Variants in CBFA2T3 observed in about 807,000 individuals in gnomAD.
CBFA2T3 encodes the protein transcriptional corepressor CBFA2T3.
A neutral mutation model predicts 58.6 loss-of-function variants in CBFA2T3; 31 were observed. That is an observed-to-expected ratio of 0.53 (90% confidence interval 0.40 to 0.71). The LOEUF is 0.71. Among genes scored for constraint, CBFA2T3 ranks in the 30% least tolerant of loss-of-function variants. CBFA2T3 has a pLI of 0.00. For synonymous variants in CBFA2T3, 531 were observed against 421.9 expected (o/e 1.26, Z -3.17); for missense variants, 1,076 against 963.1 (o/e 1.12, Z -1.55).
In CBFA2T3 at chr16:88,881,360, T is replaced by G; in HGVS notation, c.1333A>C (p.Lys445Gln). 5 of 1,586,172 alleles carry G rather than the reference T, an allele frequency of 3.2e-6. No individual in the cohort carries two copies. In the Middle Eastern group the frequency reaches 5.0e-4, roughly 158 times the overall value. Residue 445 changes from lysine (K) to glutamine (Q), a missense_variant, in exon 9 of 12, where the codon AAG becomes CAG. Coordinates refer to ENST00000268679, the MANE Select transcript of CBFA2T3 (RefSeq NM_005187.6). ...GCCGCGGCGGGAGCGGGGCCCTTCT[T>G]TGTGTCCTCGGCGTCGCTGTAGCGC... ...ARRYSDAEDT[K>Q]KGPAPAAARP...
chr16:88,888,606 A>AGGGGGG (rs1969495390), intron 5 of CBFA2T3, among the ~76,000 whole-genome samples: 1 of 3,678 alleles, frequency 2.7e-4, no homozygotes, highest in African/African-American at 1.5e-3. Flanking sequence ...GGTGGGTGGG[A>AGGGGGG]GGGGTGGGGT....
chr16:88,879,604 G>A (rs999937882), intron 10 of CBFA2T3, 144 bp from the exon 11 acceptor site: 10 of 700,448 alleles, frequency 1.4e-5, no homozygotes, highest in Middle Eastern at 2.5e-4. Flanking sequence ...GGCACATGTT[G>A]ATGGGGCTGT....
intron 4 of CBFA2T3, 92 bp downstream of exon 4, chr16:88,892,152 G>A (rs764998412): frequency 6.1e-6 from 9 of 1,486,882 alleles, no homozygotes; most frequent in Non-Finnish European, 5.5e-6. Flanking sequence ...TTGTCAGCGT[G>A]GAGCCCATGT....
At chr16:88,969,969 A>G (rs929923845) in intron 1 of CBFA2T3, among the ~76,000 whole-genome samples, 1 of 152,112 alleles carries the variant, frequency 6.6e-6, no homozygotes, top group Admixed American at 6.5e-5. Context: ...TCAGGAGGGC[A>G]TGCCTTCTGG....
rs1363093067 is a variant in CBFA2T3, at chr16:88,957,805, A to T, written c.151+18852T>A. On this transcript the variant is annotated intron_variant, in intron 1 of 11. Transcript: ENST00000268679. ...ACACAACACCGGAAAAGACAAATCC[A>T]CAGAGGCAGGAAGCAGATCAGTGGT... is the stretch of plus-strand genomic sequence containing the variant. The T allele has an allele frequency of 2.0e-5, 3 of 152,328 alleles. No individual in the cohort carries two copies. The East Asian group carries it at 5.8e-4, about 29-fold the overall frequency. The allele number at this position is 152,328 out of a possible 1,614,324, so 9.4% of individuals were successfully genotyped here. A position where few individuals can be genotyped will look rare whatever the true frequency, so the allele number is the denominator to read the frequency against.
At chr16:88,921,199 C>T (rs760577968) in intron 1 of CBFA2T3, among the ~76,000 whole-genome samples, 43 of 152,268 alleles carry the variant, frequency 2.8e-4, no homozygotes, top group Non-Finnish European at 4.3e-4. Flanking sequence ...TACAAGCCTG[C>T]CTCTGCCATT....
At chr16:88,891,825 G>T in intron 5 of CBFA2T3, 57 bp downstream of exon 5, 1 of 1,224,908 alleles carries the variant, frequency 8.2e-7, no homozygotes, top group Non-Finnish European at 1.2e-6. Flanking sequence ...GCAAGGAGTG[G>T]GATTAAGGGG....
chr16:88,942,006 C>G (rs958067065), intron 1 of CBFA2T3, among the ~76,000 whole-genome samples: 15 of 151,932 alleles, frequency 9.9e-5, no homozygotes, highest in African/African-American at 2.4e-4. Context: ...CGCGCTCCCC[C>G]CGCTCAGCCT....
chr16:88,922,303 G>A (rs1597730454), intron 1 of CBFA2T3, among the ~76,000 whole-genome samples: 2 of 152,236 alleles, frequency 1.3e-5, no homozygotes, highest in African/African-American at 2.4e-5. Flanking sequence ...TCTCAGAGCC[G>A]GTCTAGCCAG....
chr16:88,964,899 T>C (rs1972456731), intron 1 of CBFA2T3, among the ~76,000 whole-genome samples: 1 of 143,496 alleles, frequency 7.0e-6, no homozygotes, highest in Non-Finnish European at 1.5e-5. Flanking sequence ...CCATCCACCA[T>C]CTATCCACTT....
chr16:88,905,406 G>A (rs1287332059), intron 1 of CBFA2T3, among the ~76,000 whole-genome samples: 4 of 151,934 alleles, frequency 2.6e-5, no homozygotes, highest in Non-Finnish European at 5.9e-5. Context: ...CCCCGCCCCC[G>A]TGAAGCTCTT....
At chr16:88,878,137 T>C (rs1968913259) in intron 11 of CBFA2T3, among the ~76,000 whole-genome samples, 1 of 152,250 alleles carries the variant, frequency 6.6e-6, no homozygotes. Context: ...CCTCCCGGCA[T>C]CTGCTCAGGT....
At chr16:88,915,397 G>GGGGAGTGTGGAGA in intron 1 of CBFA2T3, among the ~76,000 whole-genome samples, 1 of 88,238 alleles carries the variant, frequency 1.1e-5, no homozygotes, top group Non-Finnish European at 2.3e-5. Context: ...AGCATGGAGG[G>GGGGAGTGTGGAGA]GGGAGCGTGG....
chr16:88,929,629 ACG>A (rs1971210232), intron 1 of CBFA2T3, among the ~76,000 whole-genome samples: 3 of 120,518 alleles, frequency 2.5e-5, no homozygotes, highest in Admixed American at 2.5e-4. Context: ...TGCATCATCC[ACG>A]CAAAAACTAC....
intron 1 of CBFA2T3, among the ~76,000 whole-genome samples, 165 bp downstream of exon 1, chr16:88,976,492 C>T (rs1323215410): frequency 2.0e-5 from 3 of 152,194 alleles, no homozygotes; most frequent in Non-Finnish European, 4.4e-5. Flanking sequence ...GCAGGACCTG[C>T]CTGTGGGGTG....
chr16:88,892,516 A>G, intron 3 of CBFA2T3, 31 bp from the exon 4 acceptor site: 1 of 1,608,332 alleles, frequency 6.2e-7, no homozygotes, highest in Non-Finnish European at 8.5e-7. Flanking sequence ...TGAGGACACA[A>G]AGGTGATGGT....
rs767011727 is a variant in CBFA2T3, at chr16:88,892,290, G to GA, written c.574dup (p.Ser192PhefsTer75). 1 of 1,612,616 alleles carries GA rather than the reference G, an allele frequency of 6.2e-7. No homozygotes were observed. The highest frequency in any genetic ancestry group is 1.7e-5 in the Admixed American group (1 of 60,028). ...GCGCACGCGCTCCCCAATCTCTGGGGAGATGTCGCTGCCAAACTGCTGCAG... is the reference window on the plus strand; with the variant it reads ...GCGCACGCGCTCCCCAATCTCTGGGGAAGATGTCGCTGCCAAACTGCTGCAG... On this transcript the variant is annotated frameshift_variant, in exon 4 of 12. Coordinates refer to ENST00000268679, the MANE Select transcript of CBFA2T3 (RefSeq NM_005187.6). LOFTEE classifies it high-confidence loss of function.
At chr16:88,918,644 A>C (rs1970816244) in intron 1 of CBFA2T3, among the ~76,000 whole-genome samples, 1 of 152,238 alleles carries the variant, frequency 6.6e-6, no homozygotes, top group African/African-American at 2.4e-5. Flanking sequence ...TGCCTCCAGG[A>C]GGGAGGGCTG....
At chr16:88,891,361 C>T (rs1221086942) in intron 5 of CBFA2T3, among the ~76,000 whole-genome samples, 1 of 152,190 alleles carries the variant, frequency 6.6e-6, no homozygotes, top group African/African-American at 2.4e-5. Context: ...CACCAACACG[C>T]CTCCAAGCAA....
Sources: gnomAD v4.1 joint callset for allele counts (sites outside exome capture counted in the v4.1 genomes callset) on GRCh38, gnomAD v4.1.1 for gene constraint, MANE v1.5 for transcripts, NCBI Gene and HGNC (gene_info 2026-07-23, HGNC 2026-07-21) for gene names.